The following PHAF1 variants were observed in gnomAD, a reference collection of about 807,000 sequenced individuals.
The protein encoded by PHAF1 is phagosome assembly factor 1.
A neutral mutation model predicts 63.1 loss-of-function variants in PHAF1; 23 were observed. That is an observed-to-expected ratio of 0.36 (90% CI 0.26 to 0.52). The LOEUF (loss-of-function observed/expected upper bound fraction) is 0.52, where lower values mean the gene tolerates loss of function less well. Ranked by LOEUF, PHAF1 falls within the 20% of genes least tolerant of loss-of-function variation. The pLI is 0.93. For missense variants in PHAF1, 427 were observed against 517.2 expected, an observed-to-expected ratio of 0.83 and a Z score of 1.69; for synonymous variants, 167 against 185.0, an observed-to-expected ratio of 0.90 and a Z score of 0.79.
intron 1 of PHAF1, among the ~76,000 whole-genome samples, chr16:67,110,636 C>T (rs1342200473): frequency 6.6e-6 from 1 of 152,084 alleles, no homozygotes; most frequent in Non-Finnish European, 1.5e-5. Flanking sequence ...AGTGGCTGAC[C>T]CCTCTGATCA....
chr16:67,145,584 G>A lies in PHAF1; in HGVS notation c.1065G>A (p.Gln355=). 1 of 1,614,024 alleles carries A rather than the reference G, an allele frequency of 6.2e-7. No homozygotes were observed. The highest frequency in any genetic ancestry group is 8.5e-7 in the Non-Finnish European group (1 of 1,179,982). ...CCCTCTTGCAGTGGGACAACATCCA[G>A]GAGCTCCTGGGCCACCCTGTGGAGA... is the stretch of plus-strand genomic sequence containing the variant. ...CTTYSKWDNI[Q]ELLGHPVEKP... The change falls in exon 14 of 16, where the codon CAG becomes CAA. Residue 355 remains glutamine (Q), a synonymous_variant. Coordinates refer to ENST00000219139, the MANE Select transcript of PHAF1 (RefSeq NM_025187.5).
chr16:67,119,581 C>T (rs1401183308), intron 1 of PHAF1, among the ~76,000 whole-genome samples: 1 of 150,194 alleles, frequency 6.7e-6, no homozygotes, highest in Non-Finnish European at 1.5e-5. Context: ...AGTGCAGTGG[C>T]GTGATCTTGG....
chr16:67,139,475 A>C (rs1366874234), intron 8 of PHAF1, among the ~76,000 whole-genome samples: 2 of 150,340 alleles, frequency 1.3e-5, no homozygotes, highest in African/African-American at 4.9e-5. Flanking sequence ...CACCCTTCCA[A>C]GTAGATGGGA....
At position 67,140,094 on chromosome 16, in the gene PHAF1, G is replaced by A; in HGVS notation, c.772G>A (p.Val258Ile). ...TAGCATGCTTGGCTCTCCACACAAA[G>A]TCTTCTATAAATCAGAAGACAAGGT... ...VLSMLGSPHK[V>I]FYKSEDKMKI... Residue 258 changes from valine (V) to isoleucine (I), a missense_variant, in exon 9 of 16, where the codon GTC becomes ATC. Coordinates refer to ENST00000219139, the MANE Select transcript of PHAF1 (RefSeq NM_025187.5). 6.2e-7 allele frequency: 1 copy of A among 1,614,128 alleles called. No individual in the cohort carries two copies. The highest frequency in any genetic ancestry group is 1.7e-5 in the Admixed American group (1 of 60,020).
Position 67,134,395 on chromosome 16 carries a change from T to TATGC in PHAF1, c.590_593dup (p.Glu199CysfsTer2). On this transcript the variant is annotated frameshift_variant, in exon 8 of 16. Coordinates refer to ENST00000219139, the MANE Select transcript of PHAF1 (RefSeq NM_025187.5). LOFTEE classifies it high-confidence loss of function. ...TCTGAGCTGTTTCCTGGGCAATGTC[T>TATGC]ATGCTGAGAGTGTAGATGTTCTTCG... The TATGC allele has an allele frequency of 1.2e-6, 2 of 1,614,166 alleles. No individual in the cohort carries two copies. Among genetic ancestry groups the TATGC allele is most frequent in the Non-Finnish European group, 1.7e-6 (2 of 1,180,004 alleles).
intron 10 of PHAF1, 102 bp from the exon 11 acceptor site, chr16:67,144,192 T>C: frequency 1.3e-6 from 1 of 758,198 alleles, no homozygotes; most frequent in Middle Eastern, 2.3e-4. Flanking sequence ...GCATTCTTGC[T>C]GTGGAGTGCA....
At chr16:67,114,565 A>AG (rs199706564) in intron 1 of PHAF1, among the ~76,000 whole-genome samples, 2 of 143,884 alleles carry the variant, frequency 1.4e-5, no homozygotes, top group African/African-American at 5.0e-5. Flanking sequence ...TGAAAGAAGA[A>AG]AAAAAAAAAA....
At chr16:67,119,580 G>T (rs1322862436) in intron 1 of PHAF1, among the ~76,000 whole-genome samples, 1 of 151,372 alleles carries the variant, frequency 6.6e-6, no homozygotes, top group Non-Finnish European at 1.5e-5. Context: ...GAGTGCAGTG[G>T]CGTGATCTTG....
At chr16:67,116,020 A>G (rs903659027) in intron 1 of PHAF1, among the ~76,000 whole-genome samples, 1 of 152,226 alleles carries the variant, frequency 6.6e-6, no homozygotes, top group Non-Finnish European at 1.5e-5. Flanking sequence ...GGCATGTGCC[A>G]CGTGGATCAG....
At chr16:67,141,921 G>A (rs1449857082) in intron 10 of PHAF1, among the ~76,000 whole-genome samples, 1 of 152,342 alleles carries the variant, frequency 6.6e-6, no homozygotes, top group Non-Finnish European at 1.5e-5. Context: ...GCGGGGCAGG[G>A]CATTTCAGCC....
intron 1 of PHAF1, among the ~76,000 whole-genome samples, chr16:67,115,923 C>A (rs1000369818): frequency 6.6e-6 from 1 of 152,200 alleles, no homozygotes; most frequent in East Asian, 1.9e-4. Context: ...GAGGCCGAGA[C>A]GGGAGGATAG....
At chr16:67,111,830 G>T (rs965360559) in intron 1 of PHAF1, among the ~76,000 whole-genome samples, 1 of 152,088 alleles carries the variant, frequency 6.6e-6, no homozygotes, top group Non-Finnish European at 1.5e-5. Flanking sequence ...CGCCATGTTG[G>T]CTAGGCTGGT....
chr16:67,142,811 C>T (rs1465423592), intron 10 of PHAF1, among the ~76,000 whole-genome samples: 1 of 152,212 alleles, frequency 6.6e-6, no homozygotes, highest in African/African-American at 2.4e-5. Flanking sequence ...CTCACCTGTT[C>T]CCAGTTCCCA....
At chr16:67,145,092 C>T (rs1292244035) in intron 12 of PHAF1, among the ~76,000 whole-genome samples, 2 of 152,094 alleles carry the variant, frequency 1.3e-5, no homozygotes, top group African/African-American at 2.4e-5. Flanking sequence ...GTGGGATTGC[C>T]GGCCTCTGGA....
chr16:67,134,536 G>A (rs1264915390), intron 8 of PHAF1, 69 bp downstream of exon 8: 24 of 1,277,954 alleles, frequency 1.9e-5, no homozygotes, highest in Admixed American at 1.9e-4. Flanking sequence ...AAAATCCCAC[G>A]TGCTTAGGGT....
At chr16:67,137,358 G>T (rs188715742) in intron 8 of PHAF1, among the ~76,000 whole-genome samples, 1 of 152,100 alleles carries the variant, frequency 6.6e-6, no homozygotes, top group Non-Finnish European at 1.5e-5. Flanking sequence ...TTGCTGTGTT[G>T]TCCAGGCTAG....
intron 1 of PHAF1, among the ~76,000 whole-genome samples, chr16:67,115,250 G>A (rs2145818459): frequency 6.6e-6 from 1 of 152,342 alleles, no homozygotes; most frequent in South Asian, 2.1e-4. Flanking sequence ...AGACAGACAA[G>A]GTCCTACCTC....
rs1962442769 is a variant in PHAF1 at position 67,110,068 on chromosome 16, C to T, written c.-108C>T. On this transcript the variant is annotated 5_prime_UTR_variant, in exon 1 of 16. Transcript: ENST00000219139. ...GCCGGGGAGGAGGTGGAAAGCGGGG[C>T]TGTGGCGGGCCGGCGGGGGCGGCCT... The T allele has an allele frequency of 3.3e-6, 4 of 1,208,192 alleles. No individual in the cohort carries two copies. Among genetic ancestry groups the T allele is most frequent in the Non-Finnish European group, 4.7e-6 (4 of 850,030 alleles). The allele number at this position is 1,208,192 out of a possible 1,614,324, so 74.8% of individuals were successfully genotyped here. A position where few individuals can be genotyped will look rare whatever the true frequency, so the allele number is the denominator to read the frequency against.
intron 5 of PHAF1, 63 bp downstream of exon 5, chr16:67,132,588 G>C (rs1196710171): frequency 6.6e-7 from 1 of 1,514,126 alleles, no homozygotes; most frequent in Admixed American, 1.7e-5. Flanking sequence ...AAACCTGCCC[G>C]GTAGTGCCAT....
Sources: gnomAD v4.1 joint callset for allele counts (sites outside exome capture counted in the v4.1 genomes callset) on GRCh38, gnomAD v4.1.1 for gene constraint, MANE v1.5 for transcripts, NCBI Gene and HGNC (gene_info 2026-07-23, HGNC 2026-07-21) for gene names.